Variants in EIF5B observed in about 807,000 individuals in gnomAD.
EIF5B encodes the protein eukaryotic translation initiation factor 5B, also known as eIF-5B.
A neutral mutation model predicts 147.5 loss-of-function variants in EIF5B; 47 were observed. That is an observed-to-expected ratio of 0.32 (90% CI 0.25 to 0.41). EIF5B has a LOEUF of 0.41. EIF5B is among the 10% of genes least tolerant of loss of function. EIF5B has a pLI of 1.00. For missense variants in EIF5B, 1,064 were observed against 1,413.2 expected (o/e 0.75, Z 3.96); for synonymous variants, 455 against 456.2 (o/e 1.00, Z 0.03).
intron 3 of EIF5B, 94 bp downstream of exon 3, chr2:99,360,643 C>A (rs1160756821): frequency 2.1e-5 from 25 of 1,215,120 alleles, no homozygotes; most frequent in Non-Finnish European, 2.8e-5. Context: ...AACTTTTGAG[C>A]AGTGTACAAT....
At position 99,400,542 on chromosome 2, in the gene EIF5B, G is replaced by A. The variant is rs546480818; in HGVS notation, c.*1128G>A. 3.9e-5 allele frequency: 6 copies of A among 151,964 alleles called. No homozygotes were observed. Among genetic ancestry groups the A allele is most frequent in the African/African-American group, 9.7e-5 (4 of 41,352 alleles). The allele number at this position is 151,964 out of a possible 1,614,324, so 9.4% of individuals were successfully genotyped here. A position where few individuals can be genotyped will look rare whatever the true frequency, so the allele number is the denominator to read the frequency against. On this transcript the variant is annotated 3_prime_UTR_variant, in exon 24 of 24. Transcript: ENST00000289371. ...TATAACATAAAAATATTTTATATAC[G>A]TTTGAAAAATCTATACCGTTCTTTT...
intron 6 of EIF5B, among the ~76,000 whole-genome samples, chr2:99,364,685 G>A (rs1280210281): frequency 6.6e-6 from 1 of 152,116 alleles, no homozygotes; most frequent in Non-Finnish European, 1.5e-5. Flanking sequence ...GATAATAATA[G>A]AATGAGTCCC....
chr2:99,363,387 C>T (rs1001639534), intron 4 of EIF5B, among the ~76,000 whole-genome samples: 1 of 152,158 alleles, frequency 6.6e-6, no homozygotes, highest in African/African-American at 2.4e-5. Context: ...TGACAGTATC[C>T]TTCTGTCTTA....
In EIF5B at chr2:99,394,413, C is replaced by T. The variant is rs781002670; in HGVS notation, c.3012+15C>T. The T allele has an allele frequency of 1.2e-6, 2 of 1,613,692 alleles. No individual in the cohort carries two copies. Among genetic ancestry groups the T allele is most frequent in the South Asian group, 1.1e-5 (1 of 91,056 alleles). ...CAGAAGTGCCCGTAAGTAACTACAA[C>T]TCGCTCCACAAGTGAATGGTGGTTG... On this transcript the variant is annotated intron_variant, in intron 19 of 23. Transcript: ENST00000289371.
chr2:99,398,736 CTTATT>C lies in EIF5B; in HGVS notation c.3394-7_3394-3del, dbSNP rs758054799. On this transcript the variant is annotated splice_region_variant and splice_polypyrimidine_tract_variant and intron_variant, in intron 22 of 23. Coordinates refer to ENST00000289371, the MANE Select transcript of EIF5B (RefSeq NM_015904.4). ...TCTTCTGCATGCATTTTAATTTGTT[CTTATT>C]TTATAGTTTGTTGACATCGGAATAG... is the stretch of plus-strand genomic sequence containing the variant. 10 of 1,601,684 alleles carry C rather than the reference CTTATT, an allele frequency of 6.2e-6. No individual in the cohort carries two copies. The highest frequency in any genetic ancestry group is 1.7e-4 in the Middle Eastern group (1 of 5,798).
chr2:99,340,920 A>G (rs897274670), intron 1 of EIF5B, among the ~76,000 whole-genome samples: 13 of 152,094 alleles, frequency 8.5e-5, no homozygotes, highest in Non-Finnish European at 1.0e-4. Context: ...CAGGCGCCCA[A>G]CACCTGGCTA....
chr2:99,374,230 A>G (rs1674516386), intron 9 of EIF5B, among the ~76,000 whole-genome samples: 1 of 148,544 alleles, frequency 6.7e-6, no homozygotes, highest in African/African-American at 2.5e-5. Flanking sequence ...CAGAGGTTGC[A>G]GTGAGCTGAG....
intron 7 of EIF5B, among the ~76,000 whole-genome samples, chr2:99,369,089 A>G (rs918992325): frequency 6.6e-6 from 1 of 152,194 alleles, no homozygotes; most frequent in African/African-American, 2.4e-5. Flanking sequence ...CCTGGCCAAC[A>G]TGATGAAACC....
intron 1 of EIF5B, among the ~76,000 whole-genome samples, chr2:99,348,798 G>C (rs1172660577): frequency 2.0e-5 from 3 of 152,174 alleles, no homozygotes; most frequent in African/African-American, 7.2e-5. Flanking sequence ...GGAAGGAGTG[G>C]TGTAGTTTGG....
At position 99,390,723 on chromosome 2, in the gene EIF5B, G is replaced by A. The variant is rs755904322; in HGVS notation, c.2748+18G>A. 6.3e-7 allele frequency: 1 copy of A among 1,590,924 alleles called. No homozygotes were observed. The highest frequency in any genetic ancestry group is 8.6e-7 in the Non-Finnish European group (1 of 1,162,220). On this transcript the variant is annotated intron_variant, in intron 17 of 23. Transcript: ENST00000289371. ...GAGTGAAGGTATGCTGAGGTGGGAA[G>A]CATTGACACGTGGGGACTTGTACAG...
intron 8 of EIF5B, 26 bp downstream of exon 8, chr2:99,369,507 A>G: frequency 6.4e-7 from 1 of 1,561,166 alleles, no homozygotes; most frequent in Non-Finnish European, 8.8e-7. Context: ...TGATTATTTA[A>G]TTAGTGAATT....
chr2:99,369,630 C>A lies in EIF5B; in HGVS notation c.1477+149C>A. On this transcript the variant is annotated intron_variant, in intron 8 of 23. Transcript: ENST00000289371. ...CTCTTTCTTCATAGTTCTTTCTTTTCTATTTCTTTTCATTTCTACTTTGAA... is the reference window on the plus strand; with the variant it reads ...CTCTTTCTTCATAGTTCTTTCTTTTATATTTCTTTTCATTTCTACTTTGAA... 7 of 559,470 alleles carry A rather than the reference C, an allele frequency of 1.3e-5. No homozygotes were observed. The South Asian group carries it at 1.6e-4, about 13-fold the overall frequency. 34.7% of individuals were successfully genotyped at this position (559,470 alleles called of 1,614,324 possible). A position where few individuals can be genotyped will look rare whatever the true frequency, so the allele number is the denominator to read the frequency against.
chr2:99,371,488 CAA>C (rs201222383), intron 8 of EIF5B, among the ~76,000 whole-genome samples, 166 bp from the exon 9 acceptor site: 69 of 112,004 alleles, frequency 6.2e-4, no homozygotes, highest in Admixed American at 5.9e-4. Context: ...GACTCCGTCT[CAA>C]AAAAAAAAAA....
At chr2:99,396,131 G>A (rs1453449132) in intron 21 of EIF5B, among the ~76,000 whole-genome samples, 3 of 152,120 alleles carry the variant, frequency 2.0e-5, no homozygotes, top group Non-Finnish European at 4.4e-5. Flanking sequence ...TTTTTAAGTG[G>A]AGCTTACTAG....
At chr2:99,347,699 CT>C (rs113883715) in intron 1 of EIF5B, among the ~76,000 whole-genome samples, 67 of 148,370 alleles carry the variant, frequency 4.5e-4, no homozygotes, top group African/African-American at 8.4e-4. Flanking sequence ...TCTTCTGATA[CT>C]TTTTTTTTTA....
At chr2:99,388,199 GT>G (rs1403288467) in intron 14 of EIF5B, among the ~76,000 whole-genome samples, 5 of 152,092 alleles carry the variant, frequency 3.3e-5, no homozygotes, top group Non-Finnish European at 7.4e-5. Flanking sequence ...AATAATGTGA[GT>G]TTTTCTAAGT....
In EIF5B at chr2:99,401,293, T is replaced by C. The variant is rs1455587051; in HGVS notation, c.*1879T>C. 2 of 1,613,764 alleles carry C rather than the reference T, an allele frequency of 1.2e-6. No homozygotes were observed. Among genetic ancestry groups the C allele is most frequent in the African/African-American group, 1.3e-5 (1 of 74,884 alleles). Reference sequence around the variant, plus strand: ...AGTTTGTTGTAAAACCACCTGGACATTGTCAAGAATAAAGTCAAATGCCAT... The same window carrying C: ...AGTTTGTTGTAAAACCACCTGGACACTGTCAAGAATAAAGTCAAATGCCAT... On this transcript the variant is annotated 3_prime_UTR_variant, in exon 24 of 24. Coordinates refer to ENST00000289371, the MANE Select transcript of EIF5B (RefSeq NM_015904.4).
At chr2:99,381,657 A>G (rs1674692046) in intron 12 of EIF5B, among the ~76,000 whole-genome samples, 2 of 152,028 alleles carry the variant, frequency 1.3e-5, no homozygotes. Context: ...CCAGAAAGTC[A>G]AGCATTTATG....
intron 4 of EIF5B, 121 bp from the exon 5 acceptor site, chr2:99,363,524 G>C: frequency 1.0e-6 from 1 of 967,808 alleles, no homozygotes; most frequent in Non-Finnish European, 1.6e-6. Context: ...GTAGAACTTA[G>C]CCTGCTGCTG....
Sources: gnomAD v4.1 joint callset for allele counts (sites outside exome capture counted in the v4.1 genomes callset) on GRCh38, gnomAD v4.1.1 for gene constraint, MANE v1.5 for transcripts, NCBI Gene and HGNC (gene_info 2026-07-23, HGNC 2026-07-21) for gene names.